The following CEP112 variants were observed in gnomAD, a reference collection of about 807,000 sequenced individuals.
CEP112 encodes centrosomal protein 112, also known as centrosomal protein of 112 kDa.
In CEP112, 127 loss-of-function variants were observed where a neutral mutation model predicts 153.0. The ratio of observed to expected loss-of-function variants is 0.83; its 90% CI spans 0.72 to 0.96. CEP112 has a LOEUF of 0.96. Ranked by LOEUF, CEP112 falls within the 40% of genes least tolerant of loss-of-function variation. CEP112 has a pLI of 0.00. For synonymous variants in CEP112, 358 were observed against 374.4 expected, an observed-to-expected ratio of 0.96 and a Z score of 0.51; for missense variants, 1,089 against 1,101.2, an observed-to-expected ratio of 0.99 and a Z score of 0.16.
At chr17:66,139,179 T>TA (rs1328894221) in intron 4 of CEP112, among the ~76,000 whole-genome samples, 1 of 151,998 alleles carries the variant, frequency 6.6e-6, no homozygotes, top group Admixed American at 6.6e-5. Context: ...AAAATGAAAC[T>TA]AAGAGTTGAT....
intron 6 of CEP112, among the ~76,000 whole-genome samples, chr17:66,119,868 T>C (rs959122135): frequency 3.3e-5 from 5 of 152,346 alleles, no homozygotes; most frequent in South Asian, 2.1e-4. Flanking sequence ...CAGTTGCTCC[T>C]CATCCTCACC....
intron 24 of CEP112, among the ~76,000 whole-genome samples, chr17:65,647,173 G>GTTTTTTTTTT (rs771331024): frequency 6.3e-5 from 8 of 126,556 alleles, no homozygotes; most frequent in Admixed American, 2.6e-4. Context: ...CTTGATTCTT[G>GTTTTTTTTTT]TTTTTTTTTT....
intron 21 of CEP112, among the ~76,000 whole-genome samples, chr17:65,842,409 A>G (rs552196222): frequency 6.6e-6 from 1 of 152,110 alleles, no homozygotes; most frequent in Non-Finnish European, 1.5e-5. Context: ...ATTGCCAGAA[A>G]ATAAAGTGCT....
At position 66,175,097 on chromosome 17, in the gene CEP112, T is replaced by C. The variant is rs201462682; in HGVS notation, c.417A>G (p.Lys139=). Residue 139 remains lysine, a synonymous_variant, in exon 4 of 27, where the codon AAA becomes AAG. Transcript: ENST00000535342. The part of the protein sequence containing the change: ...TSEHKLNESW[K]LSSGEDNTLV... ...AAGTGTTATCTTCTCCAGAAGAGAG[T>C]TTCCATGATTCATTTAATTTGTGTT... 1.4e-5 allele frequency: 23 copies of C among 1,613,078 alleles called. 1 individual carries two copies. Among genetic ancestry groups the C allele is most frequent in the Non-Finnish European group, 1.7e-5 (20 of 1,179,524 alleles).
chr17:65,655,961 T>C (rs1461024593), intron 24 of CEP112, among the ~76,000 whole-genome samples: 1 of 152,196 alleles, frequency 6.6e-6, no homozygotes, highest in Non-Finnish European at 1.5e-5. Context: ...GTAGCGGAGA[T>C]TTTATTCAGC....
chr17:66,073,695 A>G (rs182143939), intron 8 of CEP112, among the ~76,000 whole-genome samples: 3 of 152,348 alleles, frequency 2.0e-5, no homozygotes, highest in African/African-American at 7.2e-5. Context: ...TCAGAAAGAT[A>G]GTTTGTAAGA....
intron 24 of CEP112, among the ~76,000 whole-genome samples, chr17:65,644,780 G>A (rs1010237017): frequency 1.3e-5 from 2 of 152,284 alleles, no homozygotes; most frequent in African/African-American, 4.8e-5. Context: ...AGGCATGGTG[G>A]TGTGCACCTG....
chr17:66,094,475 C>T (rs1231142163), intron 8 of CEP112, among the ~76,000 whole-genome samples: 1 of 152,108 alleles, frequency 6.6e-6, no homozygotes, highest in Non-Finnish European at 1.5e-5. Context: ...AAATTAGACC[C>T]TTATCTCACA....
intron 21 of CEP112, among the ~76,000 whole-genome samples, chr17:65,787,325 T>G (rs1419158228): frequency 6.6e-6 from 1 of 151,976 alleles, no homozygotes; most frequent in Non-Finnish European, 1.5e-5. Flanking sequence ...TACAAAAAAT[T>G]TTAAAAATTC....
At chr17:65,971,164 C>T (rs576953482) in intron 17 of CEP112, among the ~76,000 whole-genome samples, 1 of 54,974 alleles carries the variant, frequency 1.8e-5, no homozygotes, top group African/African-American at 4.6e-5. Flanking sequence ...ATGTACATTA[C>T]ATGTACAGCA....
chr17:65,654,974 A>G lies in CEP112; in HGVS notation c.2698-13909T>C, dbSNP rs905341374. On this transcript the variant is annotated intron_variant, in intron 24 of 26. Coordinates refer to ENST00000535342, the MANE Select transcript of CEP112 (RefSeq NM_001199165.4). ...TATTGCGGAAGCCGGGCCAATAGTG[A>G]TTGGCAAAGGGAACCTGATAGAAGA... The G allele has an allele frequency of 1.9e-5, 13 of 686,410 alleles. No individual in the cohort carries two copies. The African/African-American group carries it at 2.3e-4, about 12-fold the overall frequency. The allele number at this position is 686,410 out of a possible 1,614,324, so 42.5% of individuals were successfully genotyped here. A position where few individuals can be genotyped will look rare whatever the true frequency, so the allele number is the denominator to read the frequency against.
intron 5 of CEP112, among the ~76,000 whole-genome samples, chr17:66,130,128 G>C (rs1350056701): frequency 6.6e-6 from 1 of 152,026 alleles, no homozygotes; most frequent in Non-Finnish European, 1.5e-5. Context: ...TCAGAGGAAA[G>C]GATTAGGTTA....
chr17:65,876,358 T>C (rs1325536653), intron 20 of CEP112, among the ~76,000 whole-genome samples: 1 of 152,198 alleles, frequency 6.6e-6, no homozygotes, highest in African/African-American at 2.4e-5. Flanking sequence ...TGTATAGAAG[T>C]CTGACTTGTA....
chr17:65,843,477 A>G (rs2057603116), intron 21 of CEP112, among the ~76,000 whole-genome samples: 1 of 152,216 alleles, frequency 6.6e-6, no homozygotes, highest in Non-Finnish European at 1.5e-5. Context: ...AAAAGTAAAA[A>G]GAACAAAAGT....
intron 18 of CEP112, among the ~76,000 whole-genome samples, chr17:65,958,166 A>G (rs2062063768): frequency 6.6e-6 from 1 of 152,098 alleles, no homozygotes; most frequent in African/African-American, 2.4e-5. Context: ...ATGTGTGGGA[A>G]GTCTTATGCT....
At chr17:66,173,063 C>A (rs2072312910) in intron 4 of CEP112, among the ~76,000 whole-genome samples, 1 of 152,172 alleles carries the variant, frequency 6.6e-6, no homozygotes. Context: ...CAATCCTCTC[C>A]CCTTCTTAAA....
intron 8 of CEP112, among the ~76,000 whole-genome samples, chr17:66,087,695 C>G (rs1217450078): frequency 6.6e-6 from 1 of 151,994 alleles, no homozygotes; most frequent in Non-Finnish European, 1.5e-5. Context: ...TATTACAGCA[C>G]GAAATAGGAA....
chr17:65,956,630 T>G (rs1201783403), intron 18 of CEP112, among the ~76,000 whole-genome samples: 1 of 151,788 alleles, frequency 6.6e-6, no homozygotes, highest in African/African-American at 2.4e-5. Context: ...GGGGGAAGAC[T>G]TTGGGTGGGG....
intron 21 of CEP112, among the ~76,000 whole-genome samples, chr17:65,844,220 C>T (rs868702978): frequency 6.6e-6 from 1 of 152,138 alleles, no homozygotes; most frequent in African/African-American, 2.4e-5. Context: ...AATAAATCTA[C>T]AGACTAAGTA....
Sources: gnomAD v4.1 joint callset for allele counts (sites outside exome capture counted in the v4.1 genomes callset) on GRCh38, gnomAD v4.1.1 for gene constraint, MANE v1.5 for transcripts, NCBI Gene and HGNC (gene_info 2026-07-23, HGNC 2026-07-21) for gene names.